Variants in TAFA5 observed in about 807,000 individuals in gnomAD.
The protein encoded by TAFA5 is TAFA chemokine like family member 5.
A neutral mutation model predicts 15.3 loss-of-function variants in TAFA5; 6 were observed. That is an observed-to-expected ratio of 0.39 (90% CI 0.21 to 0.77). The LOEUF is 0.77. Among genes scored for constraint, TAFA5 ranks in the 30% least tolerant of loss-of-function variants. TAFA5 has a pLI of 0.41. For missense variants in TAFA5, 161 were observed against 193.1 expected, an observed-to-expected ratio of 0.83 and a Z score of 0.98; for synonymous variants, 103 against 80.7, an observed-to-expected ratio of 1.28 and a Z score of -1.48.
intron 1 of TAFA5, among the ~76,000 whole-genome samples, chr22:48,634,013 C>T (rs535000657): frequency 9.2e-5 from 14 of 151,548 alleles, no homozygotes; most frequent in East Asian, 1.9e-4. Flanking sequence ...GGCCTGTTGA[C>T]GGTGCACTGC....
At chr22:48,652,401 G>T (rs1927085955) in intron 2 of TAFA5, among the ~76,000 whole-genome samples, 1 of 151,690 alleles carries the variant, frequency 6.6e-6, no homozygotes. Flanking sequence ...TGGTGGTTGG[G>T]ATAAGGAAGG....
intron 2 of TAFA5, among the ~76,000 whole-genome samples, chr22:48,696,121 G>C (rs928080971): frequency 6.6e-6 from 1 of 152,182 alleles, no homozygotes; most frequent in African/African-American, 2.4e-5. Flanking sequence ...GGGTTCGATG[G>C]GCGGGTGCCA....
At chr22:48,609,058 G>A (rs955799101) in intron 1 of TAFA5, among the ~76,000 whole-genome samples, 1 of 152,162 alleles carries the variant, frequency 6.6e-6, no homozygotes, top group African/African-American at 2.4e-5. Context: ...GAGGCCCCTA[G>A]GCTGCAGTTA....
chr22:48,603,536 C>G (rs545532339), intron 1 of TAFA5, among the ~76,000 whole-genome samples: 4 of 152,286 alleles, frequency 2.6e-5, no homozygotes, highest in African/African-American at 9.6e-5. Flanking sequence ...CTACAGGGCC[C>G]AGGGGATGGC....
chr22:48,518,517 G>A (rs1170219170), intron 1 of TAFA5, among the ~76,000 whole-genome samples: 1 of 152,186 alleles, frequency 6.6e-6, no homozygotes, highest in Non-Finnish European at 1.5e-5. Flanking sequence ...GAGGGCTCTT[G>A]TCTCTTTTCC....
At chr22:48,661,332 G>C (rs1465780049) in intron 2 of TAFA5, among the ~76,000 whole-genome samples, 1 of 152,114 alleles carries the variant, frequency 6.6e-6, no homozygotes, top group African/African-American at 2.4e-5. Context: ...CTCTCTCCTT[G>C]TGCCCTTCCC....
At chr22:48,692,174 C>T (rs1295469868) in intron 2 of TAFA5, among the ~76,000 whole-genome samples, 1 of 152,008 alleles carries the variant, frequency 6.6e-6, no homozygotes, top group East Asian at 1.9e-4. Context: ...CTTCCTTCAG[C>T]AATGGCCTGT....
chr22:48,622,814 C>T (rs1406713729), intron 1 of TAFA5, among the ~76,000 whole-genome samples: 1 of 152,210 alleles, frequency 6.6e-6, no homozygotes, highest in East Asian at 1.9e-4. Flanking sequence ...AGTGTGTTGG[C>T]TGCCTCTTTG....
intron 1 of TAFA5, among the ~76,000 whole-genome samples, chr22:48,602,598 C>T (rs1055972646): frequency 1.1e-4 from 17 of 152,196 alleles, no homozygotes; most frequent in East Asian, 3.9e-4. Context: ...TTTTCTGCGA[C>T]GTGGGCCCTG....
intron 2 of TAFA5, among the ~76,000 whole-genome samples, chr22:48,667,305 C>G (rs1402597718): frequency 3.4e-5 from 5 of 148,432 alleles, no homozygotes; most frequent in Admixed American, 2.0e-4. Context: ...TGATGATTTA[C>G]CTGTCTGTTC....
At chr22:48,546,203 G>A (rs556781596) in intron 1 of TAFA5, among the ~76,000 whole-genome samples, 2 of 152,338 alleles carry the variant, frequency 1.3e-5, no homozygotes, top group African/African-American at 4.8e-5. Flanking sequence ...CCTGCACGTG[G>A]CCAGCAGGCA....
intron 1 of TAFA5, among the ~76,000 whole-genome samples, chr22:48,495,874 G>T (rs1428656397): frequency 6.6e-6 from 1 of 152,204 alleles, no homozygotes; most frequent in Admixed American, 6.5e-5. Flanking sequence ...GCCCAGGTGG[G>T]AGTCTCCATC....
intron 1 of TAFA5, among the ~76,000 whole-genome samples, chr22:48,641,232 C>T (rs1926664978): frequency 6.6e-6 from 1 of 152,126 alleles, no homozygotes; most frequent in Non-Finnish European, 1.5e-5. Context: ...TTAGAATGTG[C>T]CAGGTGGCCA....
At chr22:48,664,441 G>T (rs535554086) in intron 2 of TAFA5, among the ~76,000 whole-genome samples, 6 of 152,154 alleles carry the variant, frequency 3.9e-5, no homozygotes, top group African/African-American at 1.4e-4. Context: ...CAAAATATGC[G>T]TGTAGACATA....
intron 1 of TAFA5, among the ~76,000 whole-genome samples, chr22:48,519,863 G>T (rs1432951395): frequency 6.6e-6 from 1 of 152,204 alleles, no homozygotes; most frequent in Non-Finnish European, 1.5e-5. Flanking sequence ...CAGGGTAATG[G>T]CAGGGCCACT....
At chr22:48,593,274 G>T (rs1924639655) in intron 1 of TAFA5, among the ~76,000 whole-genome samples, 2 of 152,306 alleles carry the variant, frequency 1.3e-5, no homozygotes, top group Middle Eastern at 3.4e-3. Flanking sequence ...GGCTGCAGAG[G>T]CTGAGATGCA....
chr22:48,694,495 C>T (rs1166504427), intron 2 of TAFA5, among the ~76,000 whole-genome samples: 2 of 152,256 alleles, frequency 1.3e-5, no homozygotes, highest in South Asian at 2.1e-4. Flanking sequence ...CCCAGAAACA[C>T]GGGCGCTTCC....
At chr22:48,655,842 T>TTG (rs1927222086) in intron 2 of TAFA5, among the ~76,000 whole-genome samples, 1 of 135,512 alleles carries the variant, frequency 7.4e-6, no homozygotes, top group Non-Finnish European at 1.6e-5. Context: ...TTTTTTTTTT[T>TTG]TTTTTTTTTT....
chr22:48,649,413 G>A (rs897059783), intron 2 of TAFA5, among the ~76,000 whole-genome samples: 3 of 152,354 alleles, frequency 2.0e-5, no homozygotes, highest in South Asian at 4.1e-4. Context: ...GTGGGCTGGA[G>A]GAGAGGGGAG....
Sources: gnomAD v4.1 joint callset for allele counts (sites outside exome capture counted in the v4.1 genomes callset) on GRCh38, gnomAD v4.1.1 for gene constraint, MANE v1.5 for transcripts, NCBI Gene and HGNC (gene_info 2026-07-23, HGNC 2026-07-21) for gene names.